CERS6: variants seen among roughly 807,000 people sequenced by gnomAD.
CERS6 encodes the protein ceramide synthase 6, also known as LAG1 homolog, ceramide synthase 6.
In CERS6, 26 loss-of-function variants were observed where a neutral mutation model predicts 56.8. The observed-to-expected ratio is 0.46, with a 90% confidence interval of 0.34 to 0.63. The LOEUF (loss-of-function observed/expected upper bound fraction) is 0.63, where lower values mean the gene tolerates loss of function less well. CERS6 is among the 30% of genes least tolerant of loss of function. CERS6 has a pLI of 0.01. For missense variants in CERS6, 415 were observed against 467.5 expected (o/e 0.89, Z 1.04); for synonymous variants, 164 against 173.3 (o/e 0.95, Z 0.42).
Position 168,547,679 on chromosome 2 carries a change from A to T in CERS6, c.254A>T (p.Lys85Met). Residue 85 changes from lysine to methionine, a missense_variant, in exon 2 of 10, where the codon AAG becomes ATG. By Grantham distance (95) the Lys-to-Met change is moderately conservative. Coordinates refer to ENST00000305747, the MANE Select transcript of CERS6 (RefSeq NM_203463.3). ...QIAPPNAILE[K>M]VFTAITKHPD... Reference sequence around the variant, plus strand: ...GCTCCGCCCAATGCCATTCTGGAAAAGGTCTTCACTGCAATTACAAAGGTA... The same window carrying T: ...GCTCCGCCCAATGCCATTCTGGAAATGGTCTTCACTGCAATTACAAAGGTA... 1 of 1,611,084 alleles carries T rather than the reference A, an allele frequency of 6.2e-7. No homozygotes were observed. The highest frequency in any genetic ancestry group is 1.1e-5 in the South Asian group (1 of 91,008).
intron 2 of CERS6, among the ~76,000 whole-genome samples, chr2:168,550,332 C>T (rs1348441921): frequency 6.6e-6 from 1 of 152,078 alleles, no homozygotes; most frequent in Non-Finnish European, 1.5e-5. Context: ...TGGGCCACCA[C>T]ACCTGGCTAA....
intron 6 of CERS6, among the ~76,000 whole-genome samples, chr2:168,699,778 A>G (rs1314978951): frequency 6.6e-6 from 1 of 152,230 alleles, no homozygotes; most frequent in Non-Finnish European, 1.5e-5. Context: ...GATGAAAAAT[A>G]AAAGATGTTT....
intron 3 of CERS6, among the ~76,000 whole-genome samples, chr2:168,603,880 C>T (rs1485467719): frequency 3.3e-5 from 5 of 152,276 alleles, no homozygotes; most frequent in Non-Finnish European, 7.3e-5. Context: ...AGTTTGTGGG[C>T]TGATTATGTT....
chr2:168,532,626 A>G (rs1695188899), intron 1 of CERS6, among the ~76,000 whole-genome samples: 1 of 151,976 alleles, frequency 6.6e-6, no homozygotes, highest in Non-Finnish European at 1.5e-5. Context: ...TCCATGTTAG[A>G]TTTTTGTATC....
intron 1 of CERS6, among the ~76,000 whole-genome samples, chr2:168,545,087 A>C (rs891818508): frequency 1.3e-5 from 2 of 152,058 alleles, no homozygotes; most frequent in Non-Finnish European, 2.9e-5. Context: ...AAATACATAC[A>C]TGTATTTGTA....
At chr2:168,634,183 C>T (rs1670723815) in intron 4 of CERS6, among the ~76,000 whole-genome samples, 1 of 152,132 alleles carries the variant, frequency 6.6e-6, no homozygotes, top group Non-Finnish European at 1.5e-5. Flanking sequence ...AATATTTAAG[C>T]AGTTGAAAGT....
At chr2:168,663,358 G>C (rs184495134) in intron 4 of CERS6, among the ~76,000 whole-genome samples, 1 of 152,268 alleles carries the variant, frequency 6.6e-6, no homozygotes, top group East Asian at 1.9e-4. Context: ...TATAAAGGCA[G>C]TCAAGCAGTT....
chr2:168,755,891 A>G (rs1256582648), intron 8 of CERS6, among the ~76,000 whole-genome samples: 2 of 152,192 alleles, frequency 1.3e-5, no homozygotes, highest in East Asian at 1.9e-4. Flanking sequence ...CAATCTCACA[A>G]CCAGAGCCTC....
intron 8 of CERS6, among the ~76,000 whole-genome samples, chr2:168,734,370 T>G (rs73030412): frequency 0.032 from 4,874 of 152,302 alleles, 269 homozygotes; most frequent in African/African-American, 0.11. Context: ...TTCAGCTAAC[T>G]GTGCCCATCA....
At chr2:168,704,631 G>A (rs544571477) in intron 6 of CERS6, among the ~76,000 whole-genome samples, 1 of 152,160 alleles carries the variant, frequency 6.6e-6, no homozygotes, top group African/African-American at 2.4e-5. Flanking sequence ...TTTTTGAGAC[G>A]AGTCTCGCTT....
intron 4 of CERS6, among the ~76,000 whole-genome samples, chr2:168,665,961 T>TGA (rs1363273991): frequency 3.6e-5 from 5 of 139,170 alleles, no homozygotes; most frequent in African/African-American, 1.1e-4. Flanking sequence ...ACTGTGTGTG[T>TGA]GTGTGTGTGT....
chr2:168,657,627 C>T (rs997511242), intron 4 of CERS6, among the ~76,000 whole-genome samples: 10 of 152,358 alleles, frequency 6.6e-5, no homozygotes, highest in African/African-American at 2.4e-4. Context: ...AGTGCAGCGC[C>T]TGTGGACCGG....
chr2:168,596,084 A>AG lies in CERS6; in HGVS notation c.407+34762_407+34763insG, dbSNP rs1358769059. ...GGCAACAAAGCGAGACCCTGTCTCA[A>AG]AAAAAAAAAAAAGGATAAAAATAAA... On this transcript the variant is annotated intron_variant, in intron 3 of 9. Coordinates refer to ENST00000305747, the MANE Select transcript of CERS6 (RefSeq NM_203463.3). 2.0e-5 allele frequency among the ~76,000 whole-genome samples: 3 copies of AG among 149,730 alleles called. No individual in the cohort carries two copies. The East Asian group carries it at 5.8e-4, about 29-fold the overall frequency.
intron 2 of CERS6, 122 bp downstream of exon 2, chr2:168,547,823 C>A: frequency 1.5e-6 from 1 of 680,410 alleles, no homozygotes; most frequent in South Asian, 1.7e-5. Context: ...TGCTGGAGAA[C>A]GTGTTGTCAG....
At chr2:168,639,519 G>T (rs1312027292) in intron 4 of CERS6, among the ~76,000 whole-genome samples, 1 of 152,178 alleles carries the variant, frequency 6.6e-6, no homozygotes. Context: ...CACCATAATA[G>T]AACATTTTCC....
At chr2:168,528,269 T>C (rs566540808) in intron 1 of CERS6, among the ~76,000 whole-genome samples, 27 of 152,344 alleles carry the variant, frequency 1.8e-4, no homozygotes, top group South Asian at 6.2e-4. Context: ...AGGAGTGTTT[T>C]GTTTTCAATG....
At chr2:168,646,025 G>T (rs762384332) in intron 4 of CERS6, among the ~76,000 whole-genome samples, 19 of 152,258 alleles carry the variant, frequency 1.2e-4, no homozygotes, top group Middle Eastern at 3.4e-3. Flanking sequence ...TTTTATGGTG[G>T]AATGATTCAT....
At chr2:168,470,997 C>G (rs928293756) in intron 1 of CERS6, among the ~76,000 whole-genome samples, 5 of 152,092 alleles carry the variant, frequency 3.3e-5, no homozygotes, top group Admixed American at 6.5e-5. Context: ...GGTCTCTAAG[C>G]TTTAAACAGG....
At chr2:168,573,345 A>T (rs1041083408) in intron 3 of CERS6, among the ~76,000 whole-genome samples, 3 of 152,232 alleles carry the variant, frequency 2.0e-5, no homozygotes, top group African/African-American at 7.2e-5. Context: ...CTTGTTGGGT[A>T]GCAAACCAGA....
Sources: gnomAD v4.1 joint callset for allele counts (sites outside exome capture counted in the v4.1 genomes callset) on GRCh38, gnomAD v4.1.1 for gene constraint, MANE v1.5 for transcripts, NCBI Gene and HGNC (gene_info 2026-07-23, HGNC 2026-07-21) for gene names.